SDAD1: variants seen among roughly 807,000 people sequenced by gnomAD.
SDAD1 encodes protein SDA1 homolog.
In SDAD1, 79 loss-of-function variants were observed where a neutral mutation model predicts 100.3. The ratio of observed to expected loss-of-function variants is 0.79; its 90% confidence interval spans 0.66 to 0.95. SDAD1 has a LOEUF of 0.95. Ranked by LOEUF, SDAD1 falls within the 40% of genes least tolerant of loss-of-function variation. The pLI is 0.00. For missense variants in SDAD1, 790 were observed against 810.9 expected, an observed-to-expected ratio of 0.97 and a Z score of 0.31; for synonymous variants, 267 against 271.4, an observed-to-expected ratio of 0.98 and a Z score of 0.16.
intron 17 of SDAD1, 51 bp downstream of exon 17, chr4:75,960,015 C>T (rs1729138942): frequency 6.4e-7 from 1 of 1,565,830 alleles, no homozygotes; most frequent in African/African-American, 1.4e-5. Context: ...AAGGTCTGCA[C>T]AGATACTGCA....
rs1170740960 is a variant in SDAD1 at position 75,975,952 on chromosome 4, G to T, written c.449C>A (p.Ala150Glu). The T allele has an allele frequency of 3.7e-6, 6 of 1,604,800 alleles. No homozygotes were observed. In the Admixed American group the frequency reaches 6.7e-5, roughly 18 times the overall value. ...HIVTDIKNINAKHKNNKVNVV... is the reference protein window; with the variant it reads ...HIVTDIKNINEKHKNNKVNVV... ...ATTCACTTTATTGTTCTTGTGTTTT[G>T]CATTTATATTCTTGATATCAGTCAC... Residue 150 changes from alanine to glutamate, a missense_variant, in exon 5 of 22, where the codon GCA (alanine) becomes GAA (glutamate). Physicochemically the swap from Ala to Glu is moderately radical, Grantham distance 107 (BLOSUM62 -1). Coordinates refer to ENST00000356260, the MANE Select transcript of SDAD1 (RefSeq NM_018115.4).
At chr4:75,974,040 C>T in intron 7 of SDAD1, 36 bp downstream of exon 7, 1 of 1,585,336 alleles carries the variant, frequency 6.3e-7, no homozygotes, top group Non-Finnish European at 8.7e-7. Context: ...AGACCATCCA[C>T]AGACAGAGCT....
intron 14 of SDAD1, among the ~76,000 whole-genome samples, chr4:75,962,917 T>C (rs1020391393): frequency 2.0e-5 from 3 of 152,252 alleles, no homozygotes; most frequent in Non-Finnish European, 4.4e-5. Context: ...CCTGTCAATT[T>C]TGGCTTTTGT....
Position 75,950,721 on chromosome 4 carries a change from C to A in SDAD1, c.*29G>T. On this transcript the variant is annotated 3_prime_UTR_variant, in exon 22 of 22. Transcript: ENST00000356260. ...AGAGCAAGGACACAAACTTAGCATT[C>A]TTCTAGGAATGGAAAACTTGCCAGG... 2 of 1,534,960 alleles carry A rather than the reference C, an allele frequency of 1.3e-6. No homozygotes were observed. The highest frequency in any genetic ancestry group is 1.8e-6 in the Non-Finnish European group (2 of 1,114,712).
chr4:75,981,179 G>C (rs1200824522), intron 3 of SDAD1, among the ~76,000 whole-genome samples, 193 bp downstream of exon 3: 1 of 152,146 alleles, frequency 6.6e-6, no homozygotes. Flanking sequence ...AGGCACTTTT[G>C]AGCCAGGTTA....
chr4:75,976,329 C>T (rs1730159056), intron 4 of SDAD1, among the ~76,000 whole-genome samples: 1 of 152,134 alleles, frequency 6.6e-6, no homozygotes, highest in Non-Finnish European at 1.5e-5. Flanking sequence ...TTTCCACTAA[C>T]TGATGAATGG....
At chr4:75,965,136 C>A (rs776182718) in intron 13 of SDAD1, among the ~76,000 whole-genome samples, 26 of 152,064 alleles carry the variant, frequency 1.7e-4, no homozygotes, top group Non-Finnish European at 3.7e-4. Context: ...AAGGAACAGC[C>A]CTGAGAAAGA....
chr4:75,965,968 C>T, intron 12 of SDAD1, 146 bp from the exon 13 acceptor site: 1 of 634,654 alleles, frequency 1.6e-6, no homozygotes, highest in Non-Finnish European at 2.8e-6. Context: ...ATCTGCTTGG[C>T]TTACCCCCTC....
chr4:75,970,161 G>T, intron 10 of SDAD1, 148 bp downstream of exon 10: 1 of 605,286 alleles, frequency 1.7e-6, no homozygotes, highest in Non-Finnish European at 2.9e-6. Flanking sequence ...TGACAATTTT[G>T]TAGGTTACAA....
chr4:75,981,550 A>G lies in SDAD1; in HGVS notation c.196-80T>C. The G allele has an allele frequency of 1.9e-6, 3 of 1,592,598 alleles. No individual in the cohort carries two copies. In the Admixed American group the frequency reaches 5.2e-5, roughly 27 times the overall value. ...GATGCATACATTTAGGATGTTCTGC[A>G]AAACGAGAGTAAAAGGCTATGTTTC... On this transcript the variant is annotated intron_variant, in intron 2 of 21. Transcript: ENST00000356260.
intron 12 of SDAD1, among the ~76,000 whole-genome samples, chr4:75,966,965 C>T (rs760666315): frequency 1.3e-5 from 2 of 152,168 alleles, no homozygotes; most frequent in Non-Finnish European, 2.9e-5. Flanking sequence ...TGAAGTTTCA[C>T]CATGTTGGCC....
intron 11 of SDAD1, 117 bp from the exon 12 acceptor site, chr4:75,967,451 T>TG: frequency 1.1e-6 from 1 of 872,142 alleles, no homozygotes; most frequent in South Asian, 1.5e-5. Flanking sequence ...TGTTTTTTTC[T>TG]CAGTAAGCAA....
At chr4:75,965,695 C>A in intron 13 of SDAD1, 69 bp downstream of exon 13, 3 of 1,303,400 alleles carry the variant, frequency 2.3e-6, no homozygotes, top group African/African-American at 1.5e-5. Flanking sequence ...CCCCGATAGA[C>A]CCTGAAGTAC....
intron 13 of SDAD1, 88 bp from the exon 14 acceptor site, chr4:75,964,299 A>T (rs1283475355): frequency 1.1e-6 from 1 of 912,742 alleles, no homozygotes; most frequent in Non-Finnish European, 1.7e-6. Flanking sequence ...GATTATTCAT[A>T]GTGGAAAACC....
At chr4:75,963,178 G>A (rs1157279237) in intron 14 of SDAD1, among the ~76,000 whole-genome samples, 1 of 152,024 alleles carries the variant, frequency 6.6e-6, no homozygotes, top group Non-Finnish European at 1.5e-5. Flanking sequence ...TTTTTGTCAG[G>A]TTTGTCAAAG....
chr4:75,954,427 C>G lies in SDAD1; in HGVS notation c.2016+1548G>C, dbSNP rs116072327. Among the ~76,000 whole-genome samples, 801 of 151,628 alleles carry G rather than the reference C, an allele frequency of 5.3e-3. 8 individuals carry two copies. The highest frequency in any genetic ancestry group is 0.019 in the African/African-American group (774 of 41,386). ...AGTACCCACACCTATAATCCTAGCG[C>G]TATGGGAGGCTGAGGTGGACAGACT... is the stretch of plus-strand genomic sequence containing the variant. On this transcript the variant is annotated intron_variant, in intron 21 of 21. Transcript: ENST00000356260.
chr4:75,987,701 C>G (rs1445674633), intron 1 of SDAD1, among the ~76,000 whole-genome samples: 2 of 152,078 alleles, frequency 1.3e-5, no homozygotes, highest in Non-Finnish European at 2.9e-5. Flanking sequence ...GGGGTTTCAC[C>G]ATGTTGGTCA....
At chr4:75,978,386 T>C (rs950043830) in intron 3 of SDAD1, among the ~76,000 whole-genome samples, 2 of 150,344 alleles carry the variant, frequency 1.3e-5, no homozygotes, top group Non-Finnish European at 3.0e-5. Flanking sequence ...TTTTAAGAGA[T>C]AGAGTCTCAT....
intron 3 of SDAD1, among the ~76,000 whole-genome samples, chr4:75,979,670 G>T (rs1560553413): frequency 6.6e-6 from 1 of 151,902 alleles, no homozygotes; most frequent in Non-Finnish European, 1.5e-5. Flanking sequence ...GGTCAGGCTG[G>T]TCTCGAACTC....
Sources: gnomAD v4.1 joint callset for allele counts (sites outside exome capture counted in the v4.1 genomes callset) on GRCh38, gnomAD v4.1.1 for gene constraint, MANE v1.5 for transcripts, NCBI Gene and HGNC (gene_info 2026-07-23, HGNC 2026-07-21) for gene names.